The following TCF12 variants were observed in gnomAD, a reference collection of about 807,000 sequenced individuals.
TCF12 encodes DNA-binding protein HTF4.
TCF12 carries 45 observed loss-of-function variants against 86.0 expected under a neutral mutation model. That is an observed-to-expected ratio of 0.52 (90% confidence interval 0.41 to 0.67). The LOEUF is 0.67. Among genes scored for constraint, TCF12 ranks in the 30% least tolerant of loss-of-function variants. The pLI, the probability that TCF12 is intolerant of heterozygous loss-of-function variation, is 0.00. For missense variants in TCF12, 881 were observed against 859.9 expected (o/e 1.02, Z -0.31); for synonymous variants, 330 against 299.6 (o/e 1.10, Z -1.05).
chr15:56,991,731 C>A (rs953839198), intron 3 of TCF12, among the ~76,000 whole-genome samples: 2 of 152,016 alleles, frequency 1.3e-5, no homozygotes, highest in African/African-American at 4.8e-5. Context: ...TTTTTGTGTA[C>A]CTTAATTCCT....
chr15:57,007,814 CTTTCTTTT>C (rs1596084565), intron 3 of TCF12, among the ~76,000 whole-genome samples: 2 of 133,758 alleles, frequency 1.5e-5, no homozygotes, highest in African/African-American at 2.8e-5. Flanking sequence ...TTCTTTCTTT[CTTTCTTTT>C]TCTTTCTTTC....
At chr15:57,052,359 A>G (rs554079399) in intron 3 of TCF12, among the ~76,000 whole-genome samples, 6 of 152,106 alleles carry the variant, frequency 3.9e-5, no homozygotes, top group Non-Finnish European at 8.8e-5. Flanking sequence ...GTAAAAAACT[A>G]TAGCTAGGCC....
chr15:56,991,026 G>T (rs1276650450), intron 3 of TCF12, among the ~76,000 whole-genome samples: 1 of 151,942 alleles, frequency 6.6e-6, no homozygotes, highest in African/African-American at 2.4e-5. Context: ...AAACTCCTGG[G>T]CTTAATCAGT....
intron 3 of TCF12, among the ~76,000 whole-genome samples, chr15:57,050,598 T>G (rs2067544405): frequency 6.6e-6 from 1 of 152,184 alleles, no homozygotes; most frequent in Non-Finnish European, 1.5e-5. Context: ...TTCACTGATT[T>G]GGGGAAATTT....
At chr15:57,024,216 CTTTTTTTTTTTT>C (rs59793819) in intron 3 of TCF12, among the ~76,000 whole-genome samples, 3 of 111,296 alleles carry the variant, frequency 2.7e-5, no homozygotes, top group South Asian at 2.9e-4. Context: ...AAAAAAGTGT[CTTTTTTTTTTTT>C]TTTTTTTTTT....
At chr15:57,192,413 G>A in intron 7 of TCF12, 120 bp downstream of exon 7, 12 of 1,379,680 alleles carry the variant, frequency 8.7e-6, no homozygotes, top group Non-Finnish European at 1.2e-5. Context: ...GTTTAAGACA[G>A]CGTCTCACTC....
chr15:57,075,928 A>C (rs1203807174), intron 4 of TCF12, among the ~76,000 whole-genome samples: 1 of 148,746 alleles, frequency 6.7e-6, no homozygotes, highest in African/African-American at 2.5e-5. Flanking sequence ...CAGTGACACG[A>C]TCGTGGCCTA....
intron 8 of TCF12, among the ~76,000 whole-genome samples, chr15:57,223,643 G>GTTTTGTTTTTTTTTTT (rs2058708307): frequency 1.4e-5 from 1 of 69,666 alleles, no homozygotes; most frequent in Non-Finnish European, 2.8e-5. Context: ...TACCAATGAG[G>GTTTTGTTTTTTTTTTT]TTTTTTTTTT....
chr15:57,253,532 G>A lies in TCF12; in HGVS notation c.1467+64G>A. On this transcript the variant is annotated intron_variant, in intron 16 of 20. Coordinates refer to ENST00000333725, the MANE Select transcript of TCF12 (RefSeq NM_207037.2). ...GATTCTTGTCCTAAATGTCTTTAAT[G>A]AAATCTTTGGGAAGAGGATCTTTCT... The A allele has an allele frequency of 6.4e-6, 10 of 1,560,914 alleles. No individual in the cohort carries two copies. The South Asian group carries it at 1.0e-4, about 16-fold the overall frequency.
chr15:57,269,708 C>G (rs2061041389), intron 18 of TCF12, among the ~76,000 whole-genome samples: 2 of 152,022 alleles, frequency 1.3e-5, no homozygotes, highest in South Asian at 2.1e-4. Context: ...TGTTGCTTAC[C>G]ATGTTTAGCG....
intron 3 of TCF12, among the ~76,000 whole-genome samples, chr15:57,032,400 T>C (rs774323373): frequency 1.1e-4 from 17 of 152,182 alleles, no homozygotes; most frequent in Non-Finnish European, 2.2e-4. Flanking sequence ...ATATACCTTA[T>C]AGGATTTAAG....
chr15:57,197,632 C>T, intron 7 of TCF12, 141 bp from the exon 8 acceptor site: 1 of 769,070 alleles, frequency 1.3e-6, no homozygotes, highest in East Asian at 2.7e-5. Flanking sequence ...GGAATGAAGC[C>T]CTCATTACTG....
chr15:57,240,807 G>A (rs1037648717), intron 12 of TCF12, among the ~76,000 whole-genome samples: 1 of 140,426 alleles, frequency 7.1e-6, no homozygotes, highest in Non-Finnish European at 1.5e-5. Context: ...TTGAGCCCAG[G>A]AAGTTGAGGC....
rs187738277 is a variant in TCF12 at position 57,050,547 on chromosome 15, T to C, written c.149-13203T>C. On this transcript the variant is annotated intron_variant, in intron 3 of 20. Transcript: ENST00000333725. ...TGATGAGGTTTGCTTTGTAGTTCTC[T>C]CCTACTTAGAGACTGCCGAGTTCAT... Among the ~76,000 whole-genome samples, 211 of 152,306 alleles carry C rather than the reference T, an allele frequency of 1.4e-3. 5 individuals are homozygous for C. In the East Asian group the frequency reaches 0.026, roughly 19 times the overall value.
chr15:57,207,161 G>A (rs1255418189), intron 8 of TCF12, among the ~76,000 whole-genome samples: 1 of 151,948 alleles, frequency 6.6e-6, no homozygotes, highest in Admixed American at 6.6e-5. Flanking sequence ...TGGCAGCTTG[G>A]GAATCGGTTC....
In TCF12 at chr15:57,156,767, A is replaced by C. The variant is rs149055314; in HGVS notation, c.326-9635A>C. ...GGTGCCATAAAAAACAGAGTTAAAC[A>C]CTGACCTTGCCTGGTAAGGTCATGG... On this transcript the variant is annotated intron_variant, in intron 5 of 20. Coordinates refer to ENST00000333725, the MANE Select transcript of TCF12 (RefSeq NM_207037.2). 1.1e-3 allele frequency among the ~76,000 whole-genome samples: 174 copies of C among 152,356 alleles called. 1 individual carries two copies. Among genetic ancestry groups the C allele is most frequent in the African/African-American group, 4.0e-3 (165 of 41,590 alleles).
At chr15:57,064,446 A>T (rs950192794) in intron 4 of TCF12, among the ~76,000 whole-genome samples, 9 of 152,224 alleles carry the variant, frequency 5.9e-5, no homozygotes, top group Non-Finnish European at 1.3e-4. Context: ...AAGAATTGGA[A>T]TAAAAGTAAG....
At chr15:57,247,449 C>A (rs1419748451) in intron 13 of TCF12, 15 of 708,160 alleles carry the variant, frequency 2.1e-5, no homozygotes, top group East Asian at 5.0e-5. Flanking sequence ...TTAGAAAGGG[C>A]CTTTTTTACT....
intron 18 of TCF12, among the ~76,000 whole-genome samples, chr15:57,272,115 T>G (rs1269723485): frequency 6.6e-6 from 1 of 152,226 alleles, no homozygotes; most frequent in Non-Finnish European, 1.5e-5. Flanking sequence ...AATCTGCAAC[T>G]TGATTTTAGA....
Sources: gnomAD v4.1 joint callset for allele counts (sites outside exome capture counted in the v4.1 genomes callset) on GRCh38, gnomAD v4.1.1 for gene constraint, MANE v1.5 for transcripts, NCBI Gene and HGNC (gene_info 2026-07-23, HGNC 2026-07-21) for gene names.